AKAP9: variants seen among roughly 807,000 people sequenced by gnomAD.
AKAP9 encodes the protein A-kinase anchoring protein 9, also known as A-kinase anchor protein 9.
AKAP9 carries 311 observed loss-of-function variants against 488.5 expected under a neutral mutation model. The observed-to-expected ratio is 0.64, with a 90% CI of 0.58 to 0.70. The LOEUF (loss-of-function observed/expected upper bound fraction) is 0.70, where lower values mean the gene tolerates loss of function less well. AKAP9 is among the 30% of genes least tolerant of loss of function. AKAP9 has a pLI of 0.00. For synonymous variants in AKAP9, 1,462 were observed against 1,483.5 expected (o/e 0.99, Z 0.33); for missense variants, 4,215 against 4,374.5 (o/e 0.96, Z 1.03).
chr7:92,066,507 T>A lies in AKAP9; in HGVS notation c.6291T>A (p.Val2097=), dbSNP rs1338215401. The change falls in exon 26 of 50, where the codon GTT becomes GTA. Residue 2097 remains valine, a synonymous_variant. Coordinates refer to ENST00000356239, the MANE Select transcript of AKAP9 (RefSeq NM_005751.5). ...AACTAGAACAGCAACTTAAGGTTGT[T>A]CCTCGATTCCAGCCTATCAGTGAAC... ...IQKLEQQLKV[V]PRFQPISEHQ... The A allele has an allele frequency of 6.2e-7, 1 of 1,613,538 alleles. No individual in the cohort carries two copies. The highest frequency in any genetic ancestry group is 8.5e-7 in the Non-Finnish European group (1 of 1,179,654).
At position 92,013,873 on chromosome 7, in the gene AKAP9, ATT is replaced by A. The variant is rs147736652; in HGVS notation, c.3533-372_3533-371del. ...GTCAGTTTAGTGAGTAATGATCAACATTTTTAAAAAAAAAAACAAAGTAGAAC... is the reference window on the plus strand; with the variant it reads ...GTCAGTTTAGTGAGTAATGATCAACATTTAAAAAAAAAAACAAAGTAGAAC... On this transcript the variant is annotated intron_variant, in intron 9 of 49. Coordinates refer to ENST00000356239, the MANE Select transcript of AKAP9 (RefSeq NM_005751.5). 4.1e-3 allele frequency among the ~76,000 whole-genome samples: 620 copies of A among 149,654 alleles called. 8 individuals carry two copies. Among genetic ancestry groups the A allele is most frequent in the African/African-American group, 8.8e-3 (360 of 40,708 alleles).
At chr7:91,956,026 A>C (rs543015631) in intron 1 of AKAP9, among the ~76,000 whole-genome samples, 2 of 152,280 alleles carry the variant, frequency 1.3e-5, no homozygotes, top group South Asian at 4.1e-4. Context: ...GTGTTTCCTC[A>C]TCAATAAACA....
intron 4 of AKAP9, among the ~76,000 whole-genome samples, 172 bp from the exon 5 acceptor site, chr7:91,992,713 C>T (rs1292397198): frequency 6.8e-6 from 1 of 147,892 alleles, no homozygotes; most frequent in Non-Finnish European, 1.5e-5. Context: ...TTGCGGATAA[C>T]CTGTTTATGT....
intron 44 of AKAP9, among the ~76,000 whole-genome samples, 187 bp from the exon 45 acceptor site, chr7:92,100,669 T>C (rs1817377471): frequency 6.6e-6 from 1 of 152,248 alleles, no homozygotes; most frequent in Non-Finnish European, 1.5e-5. Context: ...GTAAAACTAA[T>C]GTACTTAGCA....
rs565584451 is a variant in AKAP9, at chr7:92,048,342, A to G, written c.5368+3129A>G. On this transcript the variant is annotated intron_variant, in intron 21 of 49. Coordinates refer to ENST00000356239, the MANE Select transcript of AKAP9 (RefSeq NM_005751.5). Reference sequence around the variant, plus strand: ...TGGACTTGTTAACACTCAAAAAGTAAAGAATAAAGTTGCTAATATTTGCTT... The same window carrying G: ...TGGACTTGTTAACACTCAAAAAGTAGAGAATAAAGTTGCTAATATTTGCTT... 1.2e-4 allele frequency among the ~76,000 whole-genome samples: 18 copies of G among 152,352 alleles called. No individual in the cohort carries two copies. In the East Asian group the frequency reaches 2.9e-3, roughly 24 times the overall value.
intron 48 of AKAP9, 147 bp from the exon 49 acceptor site, chr7:92,108,347 C>T: frequency 1.3e-6 from 1 of 769,150 alleles, no homozygotes. Flanking sequence ...TCTTTCTCAT[C>T]CCAAGCTCCA....
chr7:91,954,203 A>G (rs1183446531), intron 1 of AKAP9, among the ~76,000 whole-genome samples: 1 of 152,194 alleles, frequency 6.6e-6, no homozygotes, highest in Non-Finnish European at 1.5e-5. Flanking sequence ...CCTTGCCTGC[A>G]TGTCAGTTTG....
Position 92,042,718 on chromosome 7 carries a change from G to C in AKAP9, c.5109G>C (p.Lys1703Asn). The C allele has an allele frequency of 6.2e-7, 1 of 1,611,998 alleles. No individual in the cohort carries two copies. The highest frequency in any genetic ancestry group is 1.1e-5 in the South Asian group (1 of 91,016). ...TTGAAGAACAAACATTTAAAGAAAA[G>C]GAATTAGACAGAAAACCTGAAGATG... ...GEVEEQTFKE[K>N]ELDRKPEDVP... Residue 1703 changes from lysine to asparagine, a missense_variant, in exon 20 of 50, where the codon AAG (lysine) becomes AAC (asparagine). Lys to Asn is a moderately conservative substitution (Grantham distance 94). Coordinates refer to ENST00000356239, the MANE Select transcript of AKAP9 (RefSeq NM_005751.5).
chr7:91,970,497 C>T (rs1037996711), intron 1 of AKAP9: 3 of 456,288 alleles, frequency 6.6e-6, no homozygotes, highest in East Asian at 7.0e-5. Context: ...TTTAGCTTTT[C>T]TTGTCAGACA....
intron 16 of AKAP9, among the ~76,000 whole-genome samples, chr7:92,034,802 A>G: frequency 6.6e-6 from 1 of 151,784 alleles, no homozygotes; most frequent in Non-Finnish European, 1.5e-5. Flanking sequence ...CCCTGCCTGT[A>G]GTATTCTTTT....
intron 45 of AKAP9, 54 bp downstream of exon 45, chr7:92,101,110 T>C: frequency 2.6e-6 from 4 of 1,555,010 alleles, no homozygotes; most frequent in Non-Finnish European, 3.5e-6. Flanking sequence ...TTTTGCCTTC[T>C]TTCATCTCTC....
intron 45 of AKAP9, among the ~76,000 whole-genome samples, chr7:92,101,395 C>T (rs1281126227): frequency 6.6e-6 from 1 of 151,588 alleles, no homozygotes. Context: ...CGAGATCGCG[C>T]CACTGCACTC....
intron 8 of AKAP9, among the ~76,000 whole-genome samples, chr7:92,004,724 C>T (rs1584057676): frequency 2.0e-5 from 3 of 152,222 alleles, no homozygotes; most frequent in South Asian, 2.1e-4. Context: ...TGGGCTGAGA[C>T]GATGGGGTTT....
At chr7:91,961,941 A>T (rs917553904) in intron 1 of AKAP9, among the ~76,000 whole-genome samples, 2 of 152,156 alleles carry the variant, frequency 1.3e-5, no homozygotes, top group African/African-American at 4.8e-5. Flanking sequence ...TGAGATCCGA[A>T]CCAGTTTTGA....
At chr7:92,019,835 C>G (rs550550478) in intron 12 of AKAP9, among the ~76,000 whole-genome samples, 1 of 151,606 alleles carries the variant, frequency 6.6e-6, no homozygotes, top group Non-Finnish European at 1.5e-5. Context: ...TGGTGAAACC[C>G]CATCTCTACT....
intron 45 of AKAP9, 143 bp from the exon 46 acceptor site, chr7:92,102,451 C>A: frequency 8.3e-5 from 8 of 96,290 alleles, no homozygotes; most frequent in East Asian, 2.2e-4. Context: ...TTTACTATTA[C>A]TACTACTACT....
intron 20 of AKAP9, chr7:92,042,985 A>T: frequency 2.7e-6 from 1 of 364,376 alleles, no homozygotes; most frequent in East Asian, 5.1e-5. Context: ...AATCTTTTCT[A>T]TATAAATTTT....
At chr7:91,979,362 A>G (rs926457399) in intron 2 of AKAP9, among the ~76,000 whole-genome samples, 1 of 152,134 alleles carries the variant, frequency 6.6e-6, no homozygotes, top group African/African-American at 2.4e-5. Context: ...TAAAACCATC[A>G]TATCTCGTGA....
Position 91,973,610 on chromosome 7 carries a change from T to C in AKAP9, c.49-101T>C, listed in dbSNP as rs1795336838. On this transcript the variant is annotated intron_variant, in intron 1 of 49. Coordinates refer to ENST00000356239, the MANE Select transcript of AKAP9 (RefSeq NM_005751.5). ...TTATTTTTTCATTTTTATTTAGTGATAGTTTGATCTTTAAAAGAGAGACTC... is the reference window on the plus strand; with the variant it reads ...TTATTTTTTCATTTTTATTTAGTGACAGTTTGATCTTTAAAAGAGAGACTC... 3.3e-6 allele frequency: 4 copies of C among 1,207,116 alleles called. No individual in the cohort carries two copies. In the African/African-American group the frequency reaches 4.7e-5, roughly 14 times the overall value. 74.8% of individuals were successfully genotyped at this position (1,207,116 alleles called of 1,614,324 possible). A position where few individuals can be genotyped will look rare whatever the true frequency, so the allele number is the denominator to read the frequency against.
Sources: gnomAD v4.1 joint callset for allele counts (sites outside exome capture counted in the v4.1 genomes callset) on GRCh38, gnomAD v4.1.1 for gene constraint, MANE v1.5 for transcripts, NCBI Gene and HGNC (gene_info 2026-07-23, HGNC 2026-07-21) for gene names.